The following ARAP1 variants were observed in gnomAD, a reference collection of about 807,000 sequenced individuals.
ARAP1 encodes arf-GAP with Rho-GAP domain, ANK repeat and PH domain-containing protein 1.
Under a neutral mutation model 172.2 loss-of-function variants are expected in ARAP1, and 76 were observed. The observed-to-expected ratio is 0.44, with a 90% CI of 0.37 to 0.53. ARAP1 has a LOEUF of 0.53. Among genes scored for constraint, ARAP1 ranks in the 20% least tolerant of loss-of-function variants. The pLI, the probability that ARAP1 is intolerant of heterozygous loss-of-function variation, is 0.00. For synonymous variants in ARAP1, 804 were observed against 803.3 expected, an observed-to-expected ratio of 1.00 and a Z score of -0.01; for missense variants, 1,686 against 1,977.5, an observed-to-expected ratio of 0.85 and a Z score of 2.80.
At chr11:72,722,538 G>A (rs1334510815) in intron 3 of ARAP1, among the ~76,000 whole-genome samples, 1 of 152,206 alleles carries the variant, frequency 6.6e-6, no homozygotes, top group Non-Finnish European at 1.5e-5. Flanking sequence ...CCCGCATAAG[G>A]AGACAGAGAG....
At chr11:72,711,190 T>C in intron 8 of ARAP1, 49 bp from the exon 9 acceptor site, 1 of 1,605,416 alleles carries the variant, frequency 6.2e-7, no homozygotes, top group Non-Finnish European at 8.5e-7. Context: ...CCTCGCTGAC[T>C]CCCCCAGCCT....
chr11:72,751,121 G>A (rs1017328573), intron 1 of ARAP1, among the ~76,000 whole-genome samples: 3 of 152,056 alleles, frequency 2.0e-5, no homozygotes, highest in Admixed American at 6.6e-5. Flanking sequence ...ATCAGTCACC[G>A]GTACTCTGCC....
rs775404394 is a variant in ARAP1, at chr11:72,699,143, A to G, written c.2439-36T>C. On this transcript the variant is annotated intron_variant, in intron 17 of 34. Transcript: ENST00000393609. This position sits in a 1 kb window ranked among gnomAD's most constrained non-coding sequence, Gnocchi z 4.2. Reference sequence around the variant, plus strand: ...ACAGGCCAGGACTCAGGCCCACCTCATCCAGCACGGGCCCACCCCCAACCC... The same window carrying G: ...ACAGGCCAGGACTCAGGCCCACCTCGTCCAGCACGGGCCCACCCCCAACCC... 1.4e-5 allele frequency: 23 copies of G among 1,605,380 alleles called. No homozygotes were observed. The highest frequency in any genetic ancestry group is 1.9e-5 in the Non-Finnish European group (22 of 1,173,060).
intron 18 of ARAP1, among the ~76,000 whole-genome samples, chr11:72,698,509 T>C (rs1465499822): frequency 1.3e-5 from 2 of 152,224 alleles, no homozygotes; most frequent in African/African-American, 4.8e-5. Flanking sequence ...CTCCGAGGGC[T>C]GACTCTCAGG....
At chr11:72,718,009 G>A (rs1445891680) in intron 3 of ARAP1, among the ~76,000 whole-genome samples, 1 of 152,148 alleles carries the variant, frequency 6.6e-6, no homozygotes, top group Non-Finnish European at 1.5e-5. Context: ...GAAGGGAGAG[G>A]GAAACAGATG....
chr11:72,715,570 CTTTTTTT>C (rs56115201), intron 3 of ARAP1, among the ~76,000 whole-genome samples: 53 of 135,830 alleles, frequency 3.9e-4, no homozygotes, highest in African/African-American at 1.4e-3. Context: ...TTTTTAACTT[CTTTTTTT>C]TTTTTTTTTT....
intron 16 of ARAP1, chr11:72,700,046 G>T: frequency 5.9e-6 from 1 of 170,378 alleles, no homozygotes; most frequent in South Asian, 1.4e-4. Context: ...CTATCACTCT[G>T]TACTCTGCCT....
In ARAP1 at chr11:72,700,755, G is replaced by C. The variant is rs368865161; in HGVS notation, c.2302+894C>G. Among the ~76,000 whole-genome samples the C allele has an allele frequency of 2.7e-3, 407 of 152,356 alleles. 1 individual carries two copies. Among genetic ancestry groups the C allele is most frequent in the Non-Finnish European group, 4.3e-3 (290 of 68,024 alleles). On this transcript the variant is annotated intron_variant, in intron 16 of 34. Coordinates refer to ENST00000393609, the MANE Select transcript of ARAP1 (RefSeq NM_001040118.3). ...GTGGTGACTCACGCCTGTAATCCCAGTACTTTGGGAGGCCAAGGCGGGCAG... is the reference window on the plus strand; with the variant it reads ...GTGGTGACTCACGCCTGTAATCCCACTACTTTGGGAGGCCAAGGCGGGCAG...
chr11:72,688,359 T>C (rs1855780782), intron 31 of ARAP1, 96 bp downstream of exon 31: 1 of 1,117,160 alleles, frequency 9.0e-7, no homozygotes, highest in Non-Finnish European at 1.3e-6. Context: ...CCTGCACCTA[T>C]CTCTGTCAAA....
intron 32 of ARAP1, 23 bp downstream of exon 32, chr11:72,687,665 C>T (rs531376905): frequency 1.2e-6 from 2 of 1,614,200 alleles, no homozygotes; most frequent in Admixed American, 3.3e-5. Context: ...AGCCTGGGAT[C>T]TCAGGATGAG....
At chr11:72,706,313 A>G (rs1856760950) in intron 12 of ARAP1, among the ~76,000 whole-genome samples, 2 of 152,056 alleles carry the variant, frequency 1.3e-5, no homozygotes, top group South Asian at 2.1e-4. Flanking sequence ...CCATGTCCTC[A>G]TGGCCACTCC....
chr11:72,745,864 C>T (rs1345383644), intron 1 of ARAP1, among the ~76,000 whole-genome samples: 2 of 152,172 alleles, frequency 1.3e-5, no homozygotes, highest in Non-Finnish European at 2.9e-5. Context: ...TGCTCCTGAC[C>T]CGCAGCCTCT....
At chr11:72,714,122 A>G (rs368929122) in intron 4 of ARAP1, 30 bp downstream of exon 4, 107 of 1,435,502 alleles carry the variant, frequency 7.5e-5, no homozygotes, top group Non-Finnish European at 9.6e-5. Context: ...CCATCCACCC[A>G]GAGCCCCATC....
At chr11:72,745,355 A>ATTTTTTTT (rs35656290) in intron 1 of ARAP1, among the ~76,000 whole-genome samples, 142 of 110,620 alleles carry the variant, frequency 1.3e-3, no homozygotes, top group Non-Finnish European at 1.7e-3. Context: ...CGTCCGGCTA[A>ATTTTTTTT]TTTTTTTTTT....
At chr11:72,712,825 T>C in intron 5 of ARAP1, 1 of 614,638 alleles carries the variant, frequency 1.6e-6, no homozygotes, top group Non-Finnish European at 2.9e-6. Flanking sequence ...AGAAAAAGAC[T>C]GCGGGCTAGG....
chr11:72,723,887 C>T (rs1177011307), intron 3 of ARAP1, among the ~76,000 whole-genome samples: 1 of 152,210 alleles, frequency 6.6e-6, no homozygotes, highest in African/African-American at 2.4e-5. Context: ...CTTGGCAGCA[C>T]ATGTACACAC....
chr11:72,685,439 GAAC>G lies in ARAP1; in HGVS notation c.*222_*224del. On this transcript the variant is annotated 3_prime_UTR_variant, in exon 35 of 35. Transcript: ENST00000393609. Reference sequence around the variant, plus strand: ...GTGAGCAGGTTGGGCCAAGAGGTCTGAACACCTGGACAGAGTTGGGAGAGGTTC... The same window carrying G: ...GTGAGCAGGTTGGGCCAAGAGGTCTGACCTGGACAGAGTTGGGAGAGGTTC... 1.6e-6 allele frequency: 1 copy of G among 610,858 alleles called. No individual in the cohort carries two copies. Among genetic ancestry groups the G allele is most frequent in the Middle Eastern group, 4.4e-4 (1 of 2,280 alleles). The allele number at this position is 610,858 out of a possible 1,614,324, so 37.8% of individuals were successfully genotyped here.
chr11:72,711,594 A>G, intron 7 of ARAP1, 95 bp from the exon 8 acceptor site: 2 of 1,055,206 alleles, frequency 1.9e-6, no homozygotes, highest in Non-Finnish European at 2.9e-6. Context: ...CAGAGTGAGG[A>G]TCAGCCAGGT....
At chr11:72,715,802 T>A (rs1258667161) in intron 3 of ARAP1, among the ~76,000 whole-genome samples, 2 of 151,996 alleles carry the variant, frequency 1.3e-5, no homozygotes, top group Non-Finnish European at 2.9e-5. Flanking sequence ...CCCAAAGCAA[T>A]CCTTTAACTC....
Sources: allele counts gnomAD v4.1 joint callset (sites outside exome capture counted in the v4.1 genomes callset), GRCh38; gene constraint gnomAD v4.1.1; non-coding constraint Gnocchi (gnomAD v3.1); transcripts MANE v1.5; gene names NCBI Gene and HGNC (gene_info 2026-07-23, HGNC 2026-07-21).